HPS1: variants seen among roughly 807,000 people sequenced by gnomAD.
The protein encoded by HPS1 is HPS1 biogenesis of lysosomal organelles complex 3 subunit 1, also known as BLOC-3 complex member HPS1.
In HPS1, 59 loss-of-function variants were observed where a neutral mutation model predicts 90.6. That is an observed-to-expected ratio of 0.65 (90% CI 0.53 to 0.81). The LOEUF is 0.81. Among genes scored for constraint, HPS1 ranks in the 30% least tolerant of loss-of-function variants. The pLI is 0.00. For missense variants in HPS1, 849 were observed against 896.7 expected (o/e 0.95, Z 0.68); for synonymous variants, 388 against 384.4 (o/e 1.01, Z -0.11).
Position 98,417,303 on chromosome 10 carries a change from A to C in HPS1, c.*261T>G. The C allele has an allele frequency of 7.4e-6, 3 of 406,042 alleles. No individual in the cohort carries two copies. The highest frequency in any genetic ancestry group is 1.3e-5 in the Non-Finnish European group (3 of 225,546). 25.2% of individuals were successfully genotyped at this position (406,042 alleles called of 1,614,324 possible). On this transcript the variant is annotated 3_prime_UTR_variant, in exon 20 of 20. Coordinates refer to ENST00000361490, the MANE Select transcript of HPS1 (RefSeq NM_000195.5). This position sits in a 1 kb window ranked among gnomAD's most constrained non-coding sequence, Gnocchi z 4.2. ...GGATAAAGGCAGAGGCAGCTCTGGA[A>C]GAGGAGCTGTTGCCACCGTTGTTTT...
intron 3 of HPS1, among the ~76,000 whole-genome samples, chr10:98,437,905 G>C (rs1412844909): frequency 6.6e-6 from 1 of 152,104 alleles, no homozygotes; most frequent in Non-Finnish European, 1.5e-5. Flanking sequence ...TGAATCATGG[G>C]GGTGGTTCCC....
rs78081107 is a variant in HPS1 at position 98,429,471 on chromosome 10, C to T, written c.937+102G>A. On this transcript the variant is annotated intron_variant, in intron 10 of 19. Transcript: ENST00000361490. ...GGAACACGGGTACCTGCACTCAAGCCTTAGGAGGCACGGGGGTCCACTGGA... is the reference window on the plus strand; with the variant it reads ...GGAACACGGGTACCTGCACTCAAGCTTTAGGAGGCACGGGGGTCCACTGGA... The T allele has an allele frequency of 5.1e-5, 81 of 1,597,992 alleles. No individual in the cohort carries two copies. In the East Asian group the frequency reaches 1.4e-3, roughly 27 times the overall value.
chr10:98,429,712 G>C, intron 9 of HPS1, 70 bp from the exon 10 acceptor site: 1 of 1,614,024 alleles, frequency 6.2e-7, no homozygotes, highest in Non-Finnish European at 8.5e-7. Flanking sequence ...TGCTCTCCCA[G>C]GAGGGATGGG....
downstream of HPS1, chr10:98,414,107 G>A (rs1843884311): frequency 6.6e-6 from 1 of 151,444 alleles, no homozygotes; most frequent in African/African-American, 2.4e-5. Flanking sequence ...ATATATACAT[G>A]TACACACACA....
intron 11 of HPS1, among the ~76,000 whole-genome samples, chr10:98,426,262 G>A (rs1845589655): frequency 6.6e-6 from 1 of 152,184 alleles, no homozygotes; most frequent in African/African-American, 2.4e-5. Context: ...ACAGAGGACC[G>A]AGAAGGCAGG....
At chr10:98,426,029 T>A (rs1419117159) in intron 11 of HPS1, 44 bp from the exon 12 acceptor site, 1 of 1,564,322 alleles carries the variant, frequency 6.4e-7, no homozygotes, top group Non-Finnish European at 8.8e-7. Context: ...GATCCCTAAG[T>A]TGGACCCACC....
chr10:98,442,410 A>C (rs1421310085), intron 3 of HPS1: 1 of 154,930 alleles, frequency 6.5e-6, no homozygotes, highest in Non-Finnish European at 1.4e-5. Flanking sequence ...ATAGGTATAT[A>C]CATATCAAAG....
intron 18 of HPS1, 74 bp downstream of exon 18, chr10:98,419,971 A>G (rs776806091): frequency 2.0e-6 from 2 of 978,866 alleles, no homozygotes; most frequent in African/African-American, 1.6e-5. Context: ...ACAATTCAGA[A>G]GAAAGGAATC....
chr10:98,439,089 G>C (rs1451439221), intron 3 of HPS1, among the ~76,000 whole-genome samples: 3 of 152,224 alleles, frequency 2.0e-5, no homozygotes, highest in Non-Finnish European at 4.4e-5. Flanking sequence ...CCTCCACCTA[G>C]ATTTCAGAGG....
intron 8 of HPS1, 137 bp from the exon 9 acceptor site, chr10:98,430,026 GGT>G: frequency 1.4e-6 from 1 of 711,282 alleles, no homozygotes; most frequent in Admixed American, 2.5e-5. Context: ...CTGGGTGTGT[GGT>G]CCTCAGACTT....
Position 98,446,876 on chromosome 10 carries a change from G to A in HPS1, c.-175C>T, listed in dbSNP as rs1033862006. The A allele has an allele frequency of 6.6e-6, 1 of 152,304 alleles. No homozygotes were observed. Among genetic ancestry groups the A allele is most frequent in the East Asian group, 1.9e-4 (1 of 5,154 alleles). The allele number at this position is 152,304 out of a possible 1,614,324, so 9.4% of individuals were successfully genotyped here. A position where few individuals can be genotyped will look rare whatever the true frequency, so the allele number is the denominator to read the frequency against. On this transcript the variant is annotated 5_prime_UTR_variant, in exon 1 of 20. Coordinates refer to ENST00000361490, the MANE Select transcript of HPS1 (RefSeq NM_000195.5). ...CCGCCCCCAGAGGGGACAGCCCGGA[G>A]GCCCACGTACCGGATCGCGGCGCGC...
chr10:98,431,464 G>C (rs927241889), intron 6 of HPS1, 173 bp from the exon 7 acceptor site: 33 of 653,500 alleles, frequency 5.0e-5, no homozygotes, highest in African/African-American at 1.6e-4. Context: ...GAGGCTTACT[G>C]TCTGGTCACT....
At chr10:98,436,940 T>A (rs1344762318) in intron 3 of HPS1, among the ~76,000 whole-genome samples, 1 of 152,204 alleles carries the variant, frequency 6.6e-6, no homozygotes, top group Admixed American at 6.5e-5. Flanking sequence ...AACCAAGGAC[T>A]GTACCCAGCT....
downstream of HPS1, chr10:98,415,063 T>G: frequency 6.2e-7 from 1 of 1,613,934 alleles, no homozygotes; most frequent in Non-Finnish European, 8.5e-7. Context: ...CTGGCTTCCG[T>G]GTTATCTCGT....
rs144857003 is a variant in HPS1 at position 98,442,082 on chromosome 10, T to C, written c.117+1042A>G. 2.6e-3 allele frequency among the ~76,000 whole-genome samples: 393 copies of C among 152,300 alleles called. 1 individual carries two copies. The highest frequency in any genetic ancestry group is 8.9e-3 in the African/African-American group (370 of 41,570). ...AAACTGAAAATAACACAGATGTCCA[T>C]CAACAAGTAAATGAATGAACAAATG... On this transcript the variant is annotated intron_variant, in intron 3 of 19. Coordinates refer to ENST00000361490, the MANE Select transcript of HPS1 (RefSeq NM_000195.5).
Position 98,429,832 on chromosome 10 carries a change from G to C in HPS1, c.826C>G (p.Pro276Ala). The change falls in exon 9 of 20, where the codon CCT becomes GCT. Residue 276 changes from proline to alanine, a missense_variant. Physicochemically the swap from Pro to Ala is conservative, Grantham distance 27 (BLOSUM62 -1). Transcript: ENST00000361490. ...QNIPVQQAWS[P>A]HSTGPTGGSS... ...CCCCCAGTTGGGCCCGTGGAGTGAG[G>C]GCTCCAGGCCTGCTGCACGGGGATG... The C allele has an allele frequency of 6.2e-7, 1 of 1,613,704 alleles. No individual in the cohort carries two copies. The highest frequency in any genetic ancestry group is 1.1e-5 in the South Asian group (1 of 91,092).
rs905253797 is a variant in HPS1 at position 98,445,832 on chromosome 10, A to T, written c.-105-428T>A. Among the ~76,000 whole-genome samples the T allele has an allele frequency of 3.3e-5, 5 of 152,328 alleles. No homozygotes were observed. The highest frequency in any genetic ancestry group is 6.5e-5 in the Admixed American group (1 of 15,308). On this transcript the variant is annotated intron_variant, in intron 1 of 19. Transcript: ENST00000361490. This position sits in a 1 kb window ranked among gnomAD's most constrained non-coding sequence, Gnocchi z 4.5. ...ATGGAAGGAAACTAACAGGAAAGGCATCTGGGACCAGGTTCTAGTTTTGGC... is the reference window on the plus strand; with the variant it reads ...ATGGAAGGAAACTAACAGGAAAGGCTTCTGGGACCAGGTTCTAGTTTTGGC...
chr10:98,419,458 A>G (rs1844562366), intron 18 of HPS1, among the ~76,000 whole-genome samples: 1 of 151,944 alleles, frequency 6.6e-6, no homozygotes, highest in South Asian at 2.1e-4. Flanking sequence ...AGCCCTGTGC[A>G]GTGGCTGGGG....
Position 98,431,292 on chromosome 10 carries a change from C to T in HPS1, c.508-1G>A, listed in dbSNP as rs1344716747. On this transcript the variant is annotated splice_acceptor_variant, in intron 6 of 19. Coordinates refer to ENST00000361490, the MANE Select transcript of HPS1 (RefSeq NM_000195.5). LOFTEE classifies it high-confidence loss of function. ...GGGGGTGAATCAGTCGCTCCAGGGC[C>T]TAGCCAGGGCAGGAAGGGAGAGGAA... The T allele has an allele frequency of 1.2e-6, 2 of 1,613,424 alleles. No homozygotes were observed. The highest frequency in any genetic ancestry group is 1.1e-5 in the South Asian group (1 of 91,068).
Sources: gnomAD v4.1 joint callset for allele counts (sites outside exome capture counted in the v4.1 genomes callset) on GRCh38, gnomAD v4.1.1 for gene constraint, Gnocchi (gnomAD v3.1) non-coding constraint, MANE v1.5 for transcripts, NCBI Gene and HGNC (gene_info 2026-07-23, HGNC 2026-07-21) for gene names.